Variants in IQCH observed in about 807,000 individuals in gnomAD.
IQCH encodes the protein IQ domain-containing protein H.
A neutral mutation model predicts 117.0 loss-of-function variants in IQCH; 98 were observed. The observed-to-expected ratio is 0.84, with a 90% CI of 0.71 to 0.99. The LOEUF (loss-of-function observed/expected upper bound fraction) is 0.99. Ranked by LOEUF, IQCH falls within the 50% of genes least tolerant of loss-of-function variation. IQCH has a pLI of 0.00. For synonymous variants in IQCH, 412 were observed against 448.2 expected, an observed-to-expected ratio of 0.92 and a Z score of 1.02; for missense variants, 1,102 against 1,243.8, an observed-to-expected ratio of 0.89 and a Z score of 1.72.
At chr15:67,492,663 A>G (rs2083691595) in intron 19 of IQCH, among the ~76,000 whole-genome samples, 2 of 152,166 alleles carry the variant, frequency 1.3e-5, no homozygotes, top group Non-Finnish European at 2.9e-5. Flanking sequence ...CAGGCAGCAG[A>G]GCCCAGCAGA....
Position 67,366,808 on chromosome 15 carries a change from C to T in IQCH, c.754-5303C>T, listed in dbSNP as rs1249617994. ...CTCTTTGGGGTTCTCTCCCCATGAC[C>T]ACCTTTACCATTAGGTGGTGTGGGC... On this transcript the variant is annotated intron_variant, in intron 8 of 20. Transcript: ENST00000335894. This position sits in a 1 kb window ranked among gnomAD's most constrained non-coding sequence, Gnocchi z 4.4. Among the ~76,000 whole-genome samples, 2 of 152,108 alleles carry T rather than the reference C, an allele frequency of 1.3e-5. No homozygotes were observed. Among genetic ancestry groups the T allele is most frequent in the South Asian group, 2.1e-4 (1 of 4,822 alleles).
At chr15:67,486,810 C>G (rs1388033293) in intron 18 of IQCH, among the ~76,000 whole-genome samples, 1 of 152,148 alleles carries the variant, frequency 6.6e-6, no homozygotes, top group African/African-American at 2.4e-5. Flanking sequence ...GTCATTTCAG[C>G]ATGTAATCAG....
At chr15:67,420,394 C>T (rs1243232298) in intron 15 of IQCH, among the ~76,000 whole-genome samples, 1 of 152,172 alleles carries the variant, frequency 6.6e-6, no homozygotes, top group Non-Finnish European at 1.5e-5. Context: ...GGCCAAGTTT[C>T]TCTTAGTGCT....
intron 6 of IQCH, among the ~76,000 whole-genome samples, chr15:67,353,505 G>A (rs532744458): frequency 6.6e-6 from 1 of 152,028 alleles, no homozygotes; most frequent in East Asian, 1.9e-4. Flanking sequence ...GACTACAGGT[G>A]CGCGCCACCA....
chr15:67,372,742 T>G, intron 9 of IQCH, 80 bp downstream of exon 9: 1 of 1,220,326 alleles, frequency 8.2e-7, no homozygotes, highest in Non-Finnish European at 1.2e-6. Flanking sequence ...AAGTTGTCTC[T>G]ATCTTCCCTT....
intron 6 of IQCH, among the ~76,000 whole-genome samples, chr15:67,345,687 G>A (rs1969356750): frequency 6.6e-6 from 1 of 152,160 alleles, no homozygotes; most frequent in Non-Finnish European, 1.5e-5. Flanking sequence ...GGGAAAGACT[G>A]ACAAACTGTC....
intron 18 of IQCH, among the ~76,000 whole-genome samples, chr15:67,477,178 G>C (rs1273971938): frequency 2.0e-5 from 3 of 150,046 alleles, no homozygotes; most frequent in Non-Finnish European, 3.0e-5. Flanking sequence ...AGCCTCCCGA[G>C]TAGCTGCGAT....
At chr15:67,484,019 C>G (rs887493496) in intron 18 of IQCH, among the ~76,000 whole-genome samples, 1 of 152,164 alleles carries the variant, frequency 6.6e-6, no homozygotes, top group African/African-American at 2.4e-5. Context: ...GGACCAAACT[C>G]TAGGAGTAAG....
intron 16 of IQCH, among the ~76,000 whole-genome samples, chr15:67,439,660 C>T (rs1037830001): frequency 4.6e-5 from 7 of 151,900 alleles, no homozygotes; most frequent in Admixed American, 1.3e-4. Context: ...CCGAGGTGGG[C>T]GGATCACCTG....
intron 4 of IQCH, among the ~76,000 whole-genome samples, chr15:67,297,508 T>C (rs946192944): frequency 1.3e-5 from 2 of 152,180 alleles, no homozygotes; most frequent in Non-Finnish European, 2.9e-5. Context: ...TTTTCTGTTA[T>C]ATAATCTCAA....
chr15:67,285,943 T>C (rs528890343), intron 4 of IQCH, among the ~76,000 whole-genome samples: 6 of 152,166 alleles, frequency 3.9e-5, no homozygotes, highest in Non-Finnish European at 7.3e-5. Context: ...CCATATAAAT[T>C]TTAAGATTGT....
chr15:67,354,771 G>A (rs753446521), intron 6 of IQCH, among the ~76,000 whole-genome samples: 11 of 152,208 alleles, frequency 7.2e-5, no homozygotes, highest in East Asian at 5.8e-4. Context: ...GGAGCCTAGG[G>A]ATGGTGGCAT....
rs1027204554 is a variant in IQCH at position 67,416,741 on chromosome 15, A to G, written c.2098-190A>G. ...CAATTAAGAATTTTTAGGGCGCCAAATCACTTTTGAAATATGAAAACTGAA... is the reference window on the plus strand; with the variant it reads ...CAATTAAGAATTTTTAGGGCGCCAAGTCACTTTTGAAATATGAAAACTGAA... On this transcript the variant is annotated intron_variant, in intron 14 of 20. Coordinates refer to ENST00000335894, the MANE Select transcript of IQCH (RefSeq NM_001031715.3). This position sits in a 1 kb window ranked among gnomAD's most constrained non-coding sequence, Gnocchi z 5.1. 2.6e-5 allele frequency among the ~76,000 whole-genome samples: 4 copies of G among 152,144 alleles called. No homozygotes were observed. The highest frequency in any genetic ancestry group is 4.8e-5 in the African/African-American group (2 of 41,438).
rs899306052 is a variant in IQCH at position 67,289,718 on chromosome 15, A to G, written c.387+10206A>G. 7.2e-5 allele frequency among the ~76,000 whole-genome samples: 11 copies of G among 152,172 alleles called. 2 individuals carry two copies. The Admixed American group carries it at 7.2e-4, about 10-fold the overall frequency. On this transcript the variant is annotated intron_variant, in intron 4 of 20. Coordinates refer to ENST00000335894, the MANE Select transcript of IQCH (RefSeq NM_001031715.3). ...CAGAAGAAATATCTGAGAATAAGCT[A>G]TAGATTTGCTCTTATCAACATTTAG...
intron 16 of IQCH, among the ~76,000 whole-genome samples, chr15:67,439,431 C>T (rs900419610): frequency 3.3e-5 from 5 of 152,052 alleles, no homozygotes; most frequent in East Asian, 1.9e-4. Flanking sequence ...AATTTATAGC[C>T]GTAAATGCCT....
intron 3 of IQCH, among the ~76,000 whole-genome samples, chr15:67,279,081 G>A (rs1040075844): frequency 1.3e-5 from 2 of 152,016 alleles, no homozygotes; most frequent in Non-Finnish European, 1.5e-5. Context: ...ACAACATTAT[G>A]TATTTTCTTT....
In IQCH at chr15:67,404,250, T is replaced by C. The variant is rs999171285; in HGVS notation, c.2097+3945T>C. ...AAGGTAGAATAAACCACAGTTGTTT[T>C]GCCTCCTTTTAGAACTAAGGCAGCA... On this transcript the variant is annotated intron_variant, in intron 14 of 20. Coordinates refer to ENST00000335894, the MANE Select transcript of IQCH (RefSeq NM_001031715.3). This position sits in a 1 kb window ranked among gnomAD's most constrained non-coding sequence, Gnocchi z 4.6. 6.6e-6 allele frequency: 1 copy of C among 152,214 alleles called. No individual in the cohort carries two copies. The highest frequency in any genetic ancestry group is 1.5e-5 in the Non-Finnish European group (1 of 68,040). 9.4% of individuals were successfully genotyped at this position (152,214 alleles called of 1,614,324 possible). A position where few individuals can be genotyped will look rare whatever the true frequency, so the allele number is the denominator to read the frequency against.
intron 5 of IQCH, 51 bp downstream of exon 5, chr15:67,337,146 C>T: frequency 6.2e-7 from 1 of 1,602,800 alleles, no homozygotes; most frequent in Non-Finnish European, 8.5e-7. Context: ...AAAGAAAGAG[C>T]ATTGAGGTAG....
chr15:67,330,145 C>T (rs936867383), intron 4 of IQCH, among the ~76,000 whole-genome samples: 1 of 152,112 alleles, frequency 6.6e-6, no homozygotes, highest in Non-Finnish European at 1.5e-5. Flanking sequence ...CTGGCCAGAA[C>T]CTTGTCTGAA....
Sources: allele counts gnomAD v4.1 joint callset (sites outside exome capture counted in the v4.1 genomes callset), GRCh38; gene constraint gnomAD v4.1.1; non-coding constraint Gnocchi (gnomAD v3.1); transcripts MANE v1.5; gene names NCBI Gene and HGNC (gene_info 2026-07-23, HGNC 2026-07-21).